SLC14A2: variants seen among roughly 807,000 people sequenced by gnomAD.
SLC14A2 encodes solute carrier family 14 member 2, also known as urea transporter 2.
In SLC14A2, 91 loss-of-function variants were observed where a neutral mutation model predicts 104.6. The observed-to-expected ratio is 0.87, with a 90% CI of 0.73 to 1.04. The LOEUF (loss-of-function observed/expected upper bound fraction) is 1.04, where lower values mean the gene tolerates loss of function less well. Among genes scored for constraint, SLC14A2 ranks in the 50% least tolerant of loss-of-function variants. The pLI is 0.00. For synonymous variants in SLC14A2, 476 were observed against 466.4 expected (o/e 1.02, Z -0.27); for missense variants, 1,189 against 1,156.0 (o/e 1.03, Z -0.41).
At chr18:45,251,960 A>G (rs1181482583) in intron 1 of SLC14A2, among the ~76,000 whole-genome samples, 2 of 151,826 alleles carry the variant, frequency 1.3e-5, no homozygotes, top group East Asian at 3.9e-4. Context: ...TCTGAGACGC[A>G]TTAGCTTGTA....
chr18:45,300,215 A>G (rs961527906), intron 1 of SLC14A2, among the ~76,000 whole-genome samples: 1 of 152,140 alleles, frequency 6.6e-6, no homozygotes, highest in African/African-American at 2.4e-5. Flanking sequence ...GCCCTCTCTG[A>G]GGGGCTGCAG....
intron 1 of SLC14A2, among the ~76,000 whole-genome samples, chr18:45,277,073 C>T (rs1394072450): frequency 6.6e-6 from 1 of 152,222 alleles, no homozygotes; most frequent in Non-Finnish European, 1.5e-5. Context: ...GCCAATCAGT[C>T]ATCTCAGGAA....
chr18:45,564,650 A>G (rs377151853), intron 2 of SLC14A2, among the ~76,000 whole-genome samples: 17 of 152,236 alleles, frequency 1.1e-4, no homozygotes, highest in African/African-American at 3.9e-4. Flanking sequence ...TATGCCAGGG[A>G]GAAACAATGG....
At chr18:45,660,924 A>G (rs986739453) in intron 10 of SLC14A2, among the ~76,000 whole-genome samples, 34 of 152,212 alleles carry the variant, frequency 2.2e-4, no homozygotes, top group Non-Finnish European at 3.4e-4. Flanking sequence ...TCTTTGTGGC[A>G]TCTGTTCCCC....
rs185382300 is a variant in SLC14A2, at chr18:45,255,635, T to C, written c.-125+42444T>C. 4.3e-4 allele frequency among the ~76,000 whole-genome samples: 65 copies of C among 152,310 alleles called. 1 individual carries two copies. Among genetic ancestry groups the C allele is most frequent in the African/African-American group, 1.3e-3 (53 of 41,564 alleles). On this transcript the variant is annotated intron_variant, in intron 1 of 20. Transcript: ENST00000586448. ...AACAGCAGGTCTGCTCAGGACCACA[T>C]GTTTATTTTCCACAGTGGCATGTGC...
At chr18:45,195,716 G>A in the SLC14A2 span, among the ~76,000 whole-genome samples, 1 of 152,238 alleles carries the variant, frequency 6.6e-6, no homozygotes, top group East Asian at 1.9e-4. Context: ...TATCTGGCAT[G>A]CGGGGAAAGT....
intron 1 of SLC14A2, among the ~76,000 whole-genome samples, chr18:45,295,934 TA>T (rs2084914286): frequency 6.6e-6 from 1 of 152,156 alleles, no homozygotes; most frequent in African/African-American, 2.4e-5. Context: ...GTTGTGAGCA[TA>T]AATACTATAA....
intron 1 of SLC14A2, among the ~76,000 whole-genome samples, chr18:45,383,522 A>G (rs1449774589): frequency 6.6e-6 from 1 of 152,254 alleles, no homozygotes; most frequent in Non-Finnish European, 1.5e-5. Flanking sequence ...ACTCACCAGT[A>G]CAAAGTCTTG....
chr18:45,517,241 G>T (rs756142471), intron 2 of SLC14A2, among the ~76,000 whole-genome samples: 102 of 152,340 alleles, frequency 6.7e-4, no homozygotes, highest in Non-Finnish European at 1.1e-3. Flanking sequence ...TGAGTCAGCA[G>T]CAGGGCAGAC....
At chr18:45,440,177 C>T (rs139493968) in intron 1 of SLC14A2, among the ~76,000 whole-genome samples, 17 of 151,966 alleles carry the variant, frequency 1.1e-4, no homozygotes, top group African/African-American at 4.1e-4. Flanking sequence ...AGCCCTAGAA[C>T]CTTGCTATGC....
the SLC14A2 span, among the ~76,000 whole-genome samples, chr18:45,189,326 T>C: frequency 6.6e-6 from 1 of 152,186 alleles, no homozygotes; most frequent in African/African-American, 2.4e-5. Flanking sequence ...GGGGTAACAA[T>C]ACAATCTGCT....
intron 6 of SLC14A2, among the ~76,000 whole-genome samples, 200 bp downstream of exon 6, chr18:45,637,382 C>G (rs954320614): frequency 2.0e-5 from 3 of 152,174 alleles, no homozygotes; most frequent in Non-Finnish European, 4.4e-5. Context: ...GTAACATGGC[C>G]TGGACACTTT....
At chr18:45,573,742 T>A (rs544172356) in intron 2 of SLC14A2, among the ~76,000 whole-genome samples, 271 of 152,342 alleles carry the variant, frequency 1.8e-3, no homozygotes, top group Non-Finnish European at 3.2e-3. Context: ...ATGGCCCTTT[T>A]CTACATATCA....
intron 2 of SLC14A2, among the ~76,000 whole-genome samples, chr18:45,522,706 A>G (rs757488568): frequency 6.6e-6 from 1 of 152,174 alleles, no homozygotes; most frequent in African/African-American, 2.4e-5. Flanking sequence ...AATTTTGTAC[A>G]GTGTGCTTGT....
chr18:45,638,647 G>C (rs2045464994), intron 6 of SLC14A2, among the ~76,000 whole-genome samples: 1 of 152,176 alleles, frequency 6.6e-6, no homozygotes, highest in South Asian at 2.1e-4. Flanking sequence ...GTACAGCAAA[G>C]TTTGGGAACC....
upstream of SLC14A2, among the ~76,000 whole-genome samples, chr18:45,210,378 G>A (rs1023331048): frequency 6.6e-6 from 1 of 152,196 alleles, no homozygotes; most frequent in African/African-American, 2.4e-5. Flanking sequence ...CCAAGGGTTT[G>A]AGAGCAGCCT....
chr18:45,625,681 A>T lies in SLC14A2; in HGVS notation c.151-2A>T. ...TGATGTCTGGTTGGTTTCTCCTAAA[A>T]GGATCTCCGGTCTTCCAATGAAGAC... On this transcript the variant is annotated splice_acceptor_variant, in intron 2 of 19. Coordinates refer to ENST00000255226, the MANE Select transcript of SLC14A2 (RefSeq NM_007163.4). LOFTEE classifies it high-confidence loss of function. The T allele has an allele frequency of 6.5e-7, 1 of 1,539,960 alleles. No individual in the cohort carries two copies. Among genetic ancestry groups the T allele is most frequent in the Non-Finnish European group, 8.7e-7 (1 of 1,148,938 alleles).
intron 2 of SLC14A2, among the ~76,000 whole-genome samples, chr18:45,506,194 C>G (rs1689049838): frequency 6.6e-6 from 1 of 152,212 alleles, no homozygotes; most frequent in Non-Finnish European, 1.5e-5. Context: ...GTCCTCAAGT[C>G]TCTCAGGAGT....
At chr18:45,658,041 A>G (rs930176794) in intron 10 of SLC14A2, among the ~76,000 whole-genome samples, 3 of 152,334 alleles carry the variant, frequency 2.0e-5, no homozygotes, top group South Asian at 4.1e-4. Context: ...GTAGAAAAAA[A>G]AAAGATCAAA....
Sources: gnomAD v4.1 joint callset for allele counts (sites outside exome capture counted in the v4.1 genomes callset) on GRCh38, gnomAD v4.1.1 for gene constraint, MANE v1.5 for transcripts, NCBI Gene and HGNC (gene_info 2026-07-23, HGNC 2026-07-21) for gene names.